The following PCDH19 variants were observed in gnomAD, a reference collection of about 807,000 sequenced individuals.
The protein encoded by PCDH19 is protocadherin 19, also known as protocadherin-19.
In PCDH19, 6 loss-of-function variants were observed where a neutral mutation model predicts 46.2. The ratio of observed to expected loss-of-function variants is 0.13; its 90% confidence interval spans 0.07 to 0.26. The LOEUF is 0.26. Among genes scored for constraint, PCDH19 ranks in the 10% least tolerant of loss-of-function variants. PCDH19 has a pLI of 1.00. For synonymous variants in PCDH19, 481 were observed against 415.7 expected, an observed-to-expected ratio of 1.16 and a Z score of -1.91; for missense variants, 740 against 972.3, an observed-to-expected ratio of 0.76 and a Z score of 3.18.
chrX:100,381,753 T>C (rs1432964741), intron 3 of PCDH19, among the ~76,000 whole-genome samples: 1 of 112,210 alleles, frequency 8.9e-6, no homozygotes, highest in Non-Finnish European at 1.9e-5. Context: ...AATCATTAGA[T>C]AAGCCTTGTA....
intron 5 of PCDH19, among the ~76,000 whole-genome samples, chrX:100,335,942 CA>C (rs1379715657): frequency 8.9e-6 from 1 of 111,999 alleles, no homozygotes; most frequent in Non-Finnish European, 1.9e-5. Flanking sequence ...AGGATGAAGA[CA>C]TTTTTTAAAG....
chrX:100,376,832 A>C (rs1927401323), intron 3 of PCDH19, among the ~76,000 whole-genome samples: 1 of 112,423 alleles, frequency 8.9e-6, no homozygotes, highest in African/African-American at 3.2e-5. Context: ...CAATATTTAC[A>C]CCATTGTGAG....
At chrX:100,394,428 A>G (rs1429906313) in intron 3 of PCDH19, among the ~76,000 whole-genome samples, 2 of 112,176 alleles carry the variant, frequency 1.8e-5, no homozygotes, top group African/African-American at 3.2e-5. Context: ...TTCACTTTCC[A>G]AAGTAATTCC....
chrX:100,312,320 CA>C lies in PCDH19; in HGVS notation c.2849-15446del, dbSNP rs1925157311. ...GTAGAAATCAACTTAAAGTAAAATG[CA>C]AATGTGTCACTGGGGCACAAGCCTA... is the stretch of plus-strand genomic sequence containing the variant. On this transcript the variant is annotated intron_variant, in intron 5 of 5. Transcript: ENST00000373034. Among the ~76,000 whole-genome samples the C allele has an allele frequency of 2.7e-5, 3 of 111,265 alleles. No individual in the cohort carries two copies. In the South Asian group the frequency reaches 1.1e-3, roughly 42 times the overall value.
chrX:100,370,082 G>A (rs1315906804), intron 3 of PCDH19, among the ~76,000 whole-genome samples: 4 of 111,084 alleles, frequency 3.6e-5, no homozygotes, highest in Non-Finnish European at 7.5e-5. Context: ...AAGGAAAAGA[G>A]GACCAAAAGG....
At chrX:100,333,584 A>C (rs1302787145) in intron 5 of PCDH19, among the ~76,000 whole-genome samples, 1 of 111,851 alleles carries the variant, frequency 8.9e-6, no homozygotes, top group Non-Finnish European at 1.9e-5. Flanking sequence ...CTGGAGAATG[A>C]AATTCTTAAT....
chrX:100,353,191 G>T (rs1926619221), intron 3 of PCDH19, among the ~76,000 whole-genome samples: 1 of 111,956 alleles, frequency 8.9e-6, no homozygotes, highest in Non-Finnish European at 1.9e-5. Flanking sequence ...GCACATGCAT[G>T]TTCCATCTCA....
chrX:100,376,430 A>G (rs1247539314), intron 3 of PCDH19, among the ~76,000 whole-genome samples: 4 of 110,604 alleles, frequency 3.6e-5, no homozygotes, highest in Non-Finnish European at 7.6e-5. Flanking sequence ...AAATGACACA[A>G]TATTTTATTG....
intron 5 of PCDH19, among the ~76,000 whole-genome samples, chrX:100,298,742 A>G (rs1287007180): frequency 8.9e-6 from 1 of 111,875 alleles, no homozygotes; most frequent in Non-Finnish European, 1.9e-5. Flanking sequence ...ACATGCATGT[A>G]CCTGGGAGGC....
rs17282289 is a variant in PCDH19 at position 100,342,293 on chromosome X, G to A, written c.2676-218C>T. On this transcript the variant is annotated intron_variant, in intron 4 of 5. Transcript: ENST00000373034. The stretch of plus-strand genomic sequence containing the variant: ...GGATGCTGATACAGCTAATATTTTC[G>A]TTCACTTATCTTCAATGCATCACTA... Among the ~76,000 whole-genome samples, 4,781 of 111,596 alleles carry A rather than the reference G, an allele frequency of 0.043. 247 individuals carry two copies. The highest frequency in any genetic ancestry group is 0.25 in the East Asian group (853 of 3,473).
chrX:100,392,828 C>T (rs774931952), intron 3 of PCDH19, among the ~76,000 whole-genome samples: 21 of 111,675 alleles, frequency 1.9e-4, no homozygotes, highest in Non-Finnish European at 3.2e-4. Context: ...TGCTAGATTA[C>T]GGACATTTTT....
intron 4 of PCDH19, among the ~76,000 whole-genome samples, chrX:100,345,238 C>T (rs1281389582): frequency 9.0e-6 from 1 of 111,297 alleles, no homozygotes; most frequent in Non-Finnish European, 1.9e-5. Flanking sequence ...CACTGAGTTA[C>T]AATTAAATAT....
rs1309638639 is a variant in PCDH19 at position 100,296,852 on chromosome X, G to A, written c.2872C>T (p.Arg958Trp). The A allele has an allele frequency of 1.2e-5, 15 of 1,206,190 alleles. No homozygotes were observed. The Admixed American group carries it at 1.3e-4, about 11-fold the overall frequency. Residue 958 changes from arginine (R) to tryptophan (W), a missense_variant, in exon 6 of 6, where the codon CGG (arginine) becomes TGG (tryptophan). Physicochemically the swap from Arg to Trp is moderately radical, Grantham distance 101. Coordinates refer to ENST00000373034, the MANE Select transcript of PCDH19 (RefSeq NM_001184880.2). ...DHDQNEGFHC[R>W]EECRILGHSD... is the part of the protein sequence containing the mutation. ...TGGCCAAGAATCCGGCATTCTTCCC[G>A]GCAATGAAATCCTTCATTCTGATCT...
intron 5 of PCDH19, 140 bp from the exon 6 acceptor site, chrX:100,297,015 A>T: frequency 1.8e-6 from 1 of 545,271 alleles, no homozygotes; most frequent in Non-Finnish European, 3.1e-6. Context: ...GCCTTTTGGG[A>T]CAAGTGTGAA....
At position 100,309,154 on chromosome X, in the gene PCDH19, G is replaced by GCA. The variant is rs55663829; in HGVS notation, c.2849-12281_2849-12280dup. Among the ~76,000 whole-genome samples, 222 of 81,744 alleles carry GCA rather than the reference G, an allele frequency of 2.7e-3. 2 individuals are homozygous for GCA. Among genetic ancestry groups the GCA allele is most frequent in the African/African-American group, 9.0e-3 (199 of 22,075 alleles). The allele number at this position is 81,744 out of a possible 115,157, so 71.0% of individuals were successfully genotyped here. ...AGAGGATACAGAAAATGTGATGCAT[G>GCA]CACACACACACACACACACACACAC... On this transcript the variant is annotated intron_variant, in intron 5 of 5. Coordinates refer to ENST00000373034, the MANE Select transcript of PCDH19 (RefSeq NM_001184880.2).
chrX:100,406,486 C>T lies in PCDH19; in HGVS notation c.2112G>A (p.Lys704=), dbSNP rs2147537141. 8.3e-7 allele frequency: 1 copy of T among 1,207,769 alleles called. No homozygotes were observed. The highest frequency in any genetic ancestry group is 1.1e-6 in the Non-Finnish European group (1 of 893,294). The change falls in exon 1 of 6, where the codon AAG becomes AAA. Residue 704 remains lysine (K), a synonymous_variant. Transcript: ENST00000373034. ...AGGTCCGGATCTCTTTGTTGTCTCG[C>T]TTGCACTTGATTGCCACGAAGATCA... ...VTMIFVAIKC[K]RDNKEIRTYN...
intron 5 of PCDH19, among the ~76,000 whole-genome samples, chrX:100,297,941 T>C (rs905501636): frequency 7.2e-5 from 8 of 110,743 alleles, no homozygotes; most frequent in Admixed American, 1.9e-4. Context: ...AATGAAAACA[T>C]TGCGCAATGC....
At chrX:100,370,122 A>G (rs898723031) in intron 3 of PCDH19, among the ~76,000 whole-genome samples, 1 of 111,891 alleles carries the variant, frequency 8.9e-6, no homozygotes, top group African/African-American at 3.3e-5. Context: ...AACAAAAGAA[A>G]TTCTACTGGA....
chrX:100,321,093 G>A (rs766026664), intron 5 of PCDH19, among the ~76,000 whole-genome samples: 10 of 111,544 alleles, frequency 9.0e-5, no homozygotes, highest in Non-Finnish European at 1.5e-4. Context: ...ATCTCATCCA[G>A]GTTGCTGCAA....
Sources: gnomAD v4.1 joint callset for allele counts (sites outside exome capture counted in the v4.1 genomes callset) on GRCh38, gnomAD v4.1.1 for gene constraint, MANE v1.5 for transcripts, NCBI Gene and HGNC (gene_info 2026-07-23, HGNC 2026-07-21) for gene names.